The following NCOA2 variants were observed in gnomAD, a reference collection of about 807,000 sequenced individuals.
NCOA2 encodes class E basic helix-loop-helix protein 75.
A neutral mutation model predicts 145.1 loss-of-function variants in NCOA2; 21 were observed. The ratio of observed to expected loss-of-function variants is 0.14; its 90% CI spans 0.10 to 0.21. NCOA2 has a LOEUF of 0.21. Among genes scored for constraint, NCOA2 ranks in the 10% least tolerant of loss-of-function variants. The pLI, the probability that NCOA2 is intolerant of heterozygous loss-of-function variation, is 1.00. For missense variants in NCOA2, 1,472 were observed against 1,837.6 expected, an observed-to-expected ratio of 0.80 and a Z score of 3.64; for synonymous variants, 619 against 637.5, an observed-to-expected ratio of 0.97 and a Z score of 0.44.
intron 6 of NCOA2, 106 bp from the exon 7 acceptor site, chr8:70,166,860 T>C: frequency 1.9e-6 from 2 of 1,042,908 alleles, no homozygotes; most frequent in Admixed American, 2.3e-5. Flanking sequence ...TTCATCTTTA[T>C]GTACTACTTT....
chr8:70,308,305 T>A (rs1828044985), intron 1 of NCOA2, among the ~76,000 whole-genome samples: 1 of 152,170 alleles, frequency 6.6e-6, no homozygotes. Flanking sequence ...CATTTTCATA[T>A]AATGACTTGA....
At chr8:70,355,383 T>C (rs1437469657) in intron 1 of NCOA2, among the ~76,000 whole-genome samples, 2 of 152,180 alleles carry the variant, frequency 1.3e-5, no homozygotes, top group South Asian at 4.1e-4. Context: ...ACTTTGATAT[T>C]GAGCCTACAT....
At chr8:70,415,182 T>A in the NCOA2 span, among the ~76,000 whole-genome samples, 3 of 152,004 alleles carry the variant, frequency 2.0e-5, no homozygotes, top group Non-Finnish European at 4.4e-5. Flanking sequence ...TTTATTTTTT[T>A]TTTTAATTAG....
intron 2 of NCOA2, among the ~76,000 whole-genome samples, chr8:70,292,184 C>T (rs71517440): frequency 5.9e-5 from 9 of 151,648 alleles, no homozygotes; most frequent in Non-Finnish European, 1.2e-4. Context: ...GCCAGGCTGG[C>T]GTGCAGTGGC....
chr8:70,262,681 G>T (rs920555808), intron 2 of NCOA2, among the ~76,000 whole-genome samples: 20 of 152,228 alleles, frequency 1.3e-4, no homozygotes, highest in Non-Finnish European at 2.6e-4. Context: ...TAAAAAAACA[G>T]TGGCAGTCAA....
intron 1 of NCOA2, among the ~76,000 whole-genome samples, chr8:70,344,800 C>A (rs1485763582): frequency 2.6e-5 from 4 of 152,168 alleles, no homozygotes; most frequent in Non-Finnish European, 5.9e-5. Flanking sequence ...AACAAAACTT[C>A]AAGCACTCAA....
At position 70,353,412 on chromosome 8, in the gene NCOA2, G is replaced by A. The variant is rs547800867; in HGVS notation, c.-77+50288C>T. Among the ~76,000 whole-genome samples, 3 of 149,630 alleles carry A rather than the reference G, an allele frequency of 2.0e-5. No homozygotes were observed. In the South Asian group the frequency reaches 6.5e-4, roughly 32 times the overall value. ...TTAAAGGGGGGTGCCACCATGCCTG[G>A]CCAAACATTATGTTTATAAGCCAAC... On this transcript the variant is annotated intron_variant, in intron 1 of 22. Coordinates refer to ENST00000452400, the MANE Select transcript of NCOA2 (RefSeq NM_006540.4).
the NCOA2 span, among the ~76,000 whole-genome samples, chr8:70,430,637 G>A: frequency 6.6e-6 from 1 of 152,064 alleles, no homozygotes; most frequent in Non-Finnish European, 1.5e-5. Flanking sequence ...TCGGCATTAC[G>A]TTTAATAATC....
intron 1 of NCOA2, among the ~76,000 whole-genome samples, chr8:70,373,593 TGTGTTCTAAGAAATCCTTG>T (rs1473116639): frequency 6.6e-6 from 1 of 152,238 alleles, no homozygotes; most frequent in Non-Finnish European, 1.5e-5. Flanking sequence ...AGTACTTTTT[TGTGTTCTAAGAAATCCTTG>T]CCTAACCAAA....
At chr8:70,448,747 T>C in the NCOA2 span, among the ~76,000 whole-genome samples, 1 of 152,064 alleles carries the variant, frequency 6.6e-6, no homozygotes, top group South Asian at 2.1e-4. Flanking sequence ...AGAATATACT[T>C]AATTATTGTG....
intron 1 of NCOA2, among the ~76,000 whole-genome samples, chr8:70,331,992 T>C (rs902072122): frequency 6.6e-6 from 1 of 152,178 alleles, no homozygotes; most frequent in East Asian, 1.9e-4. Flanking sequence ...TCATGTTACA[T>C]GCGCTCCTTT....
At chr8:70,164,255 C>T (rs888480368) in intron 7 of NCOA2, among the ~76,000 whole-genome samples, 1 of 152,114 alleles carries the variant, frequency 6.6e-6, no homozygotes, top group Admixed American at 6.5e-5. Context: ...CTGTCTTATG[C>T]GTCAGGGTTC....
Position 70,160,650 on chromosome 8 carries a change from A to C in NCOA2, c.977-998T>G, listed in dbSNP as rs564755821. 6.9e-4 allele frequency among the ~76,000 whole-genome samples: 101 copies of C among 145,770 alleles called. 1 individual carries two copies. The South Asian group carries it at 7.2e-3, about 10-fold the overall frequency. On this transcript the variant is annotated intron_variant, in intron 9 of 22. Coordinates refer to ENST00000452400, the MANE Select transcript of NCOA2 (RefSeq NM_006540.4). ...TTCACCATGCCACAAAACTGCCACA[A>C]GTGAGAGACAGAGAGAGAGAGAGAG...
chr8:70,206,590 G>T (rs768207499), intron 4 of NCOA2, among the ~76,000 whole-genome samples: 1 of 152,116 alleles, frequency 6.6e-6, no homozygotes, highest in Non-Finnish European at 1.5e-5. Context: ...ATCTGGAGAG[G>T]ATGGTAGATG....
intron 20 of NCOA2, among the ~76,000 whole-genome samples, chr8:70,124,361 T>G (rs1275086327): frequency 7.2e-6 from 1 of 138,078 alleles, no homozygotes; most frequent in East Asian, 2.0e-4. Flanking sequence ...TTTCTTTCTG[T>G]TTTTTTTTTT....
At chr8:70,385,852 T>C (rs1349344256) in intron 1 of NCOA2, among the ~76,000 whole-genome samples, 3 of 152,254 alleles carry the variant, frequency 2.0e-5, no homozygotes, top group African/African-American at 7.2e-5. Context: ...AATCATAGTA[T>C]CTTGAAATAT....
intron 1 of NCOA2, among the ~76,000 whole-genome samples, chr8:70,331,962 A>G (rs1807146553): frequency 1.3e-5 from 2 of 152,188 alleles, no homozygotes. Context: ...CCTCAAGGTC[A>G]ACAGGATTTT....
chr8:70,184,125 G>GT (rs1356240410), intron 4 of NCOA2, among the ~76,000 whole-genome samples: 1 of 152,156 alleles, frequency 6.6e-6, no homozygotes, highest in East Asian at 1.9e-4. Flanking sequence ...AGGTCAGACC[G>GT]TATTTGCTAA....
At chr8:70,315,719 G>A (rs139857847) in intron 1 of NCOA2, among the ~76,000 whole-genome samples, 287 of 152,274 alleles carry the variant, frequency 1.9e-3, no homozygotes, top group Non-Finnish European at 3.1e-3. Flanking sequence ...CAGACTGCAG[G>A]AGGCAGGAGG....
Sources: gnomAD v4.1 joint callset for allele counts (sites outside exome capture counted in the v4.1 genomes callset) on GRCh38, gnomAD v4.1.1 for gene constraint, MANE v1.5 for transcripts, NCBI Gene and HGNC (gene_info 2026-07-23, HGNC 2026-07-21) for gene names.